Variants in SLC44A5 observed in about 807,000 individuals in gnomAD.
The protein encoded by SLC44A5 is solute carrier family 44 member 5.
SLC44A5 carries 57 observed loss-of-function variants against 101.8 expected under a neutral mutation model. The observed-to-expected ratio is 0.56, with a 90% CI of 0.45 to 0.70. The LOEUF (loss-of-function observed/expected upper bound fraction) is 0.70. Among genes scored for constraint, SLC44A5 ranks in the 30% least tolerant of loss-of-function variants. The probability of loss-of-function intolerance (pLI) is 0.00; values close to 1 mark genes in which losing one functional copy is unlikely to be tolerated. For missense variants in SLC44A5, 737 were observed against 853.1 expected, an observed-to-expected ratio of 0.86 and a Z score of 1.70; for synonymous variants, 281 against 290.9, an observed-to-expected ratio of 0.97 and a Z score of 0.35.
the SLC44A5 span, among the ~76,000 whole-genome samples, chr1:75,706,589 A>G: frequency 1.3e-5 from 2 of 151,938 alleles, no homozygotes; most frequent in Non-Finnish European, 2.9e-5. Flanking sequence ...TTTGCTCTTT[A>G]TGGGCCCTGC....
chr1:75,301,006 T>C (rs1050670524), intron 4 of SLC44A5, among the ~76,000 whole-genome samples: 14 of 152,144 alleles, frequency 9.2e-5, no homozygotes, highest in African/African-American at 3.4e-4. Context: ...AATTGTAATA[T>C]AAGCTATTTG....
chr1:75,722,996 T>C, the SLC44A5 span, among the ~76,000 whole-genome samples: 1 of 152,358 alleles, frequency 6.6e-6, no homozygotes, highest in East Asian at 1.9e-4. Flanking sequence ...GCCTGTTTTC[T>C]TCCTTATCTG....
intron 2 of SLC44A5, among the ~76,000 whole-genome samples, chr1:75,422,751 G>T (rs772806977): frequency 1.3e-5 from 2 of 152,166 alleles, no homozygotes; most frequent in Non-Finnish European, 2.9e-5. Context: ...TTGCTGTCAA[G>T]AAAACTGGCC....
At position 75,234,059 on chromosome 1, in the gene SLC44A5, C is replaced by A. The variant is rs745433077; in HGVS notation, c.780G>T (p.Leu260Phe). 1.2e-6 allele frequency: 2 copies of A among 1,613,372 alleles called. No homozygotes were observed. The highest frequency in any genetic ancestry group is 1.7e-6 in the Non-Finnish European group (2 of 1,179,606). ...ATCCAGCTATGAACCTCAGAAGTATCAAAAATATCCAACTAAGGACCATGG... is the reference window on the plus strand; with the variant it reads ...ATCCAGCTATGAACCTCAGAAGTATAAAAAATATCCAACTAAGGACCATGG... ...TIAMVLSWIF[L>F]ILLRFIAGCL... The change falls in exon 12 of 24, where the codon TTG (leucine) becomes TTT (phenylalanine). Residue 260 changes from leucine (L) to phenylalanine (F), a missense_variant. Physicochemically the swap from Leu to Phe is conservative, Grantham distance 22. This residue lies in a region of SLC44A5 where 665 missense variants were observed against 764.4 expected (regional missense o/e 0.87). Coordinates refer to ENST00000370859, the MANE Select transcript of SLC44A5 (RefSeq NM_001130058.2).
At chr1:75,590,437 T>C (rs975095271) in intron 1 of SLC44A5, among the ~76,000 whole-genome samples, 2 of 152,184 alleles carry the variant, frequency 1.3e-5, no homozygotes, top group African/African-American at 4.8e-5. Context: ...GGTAAGCCTC[T>C]GAGACTTGCT....
At chr1:75,324,800 A>G (rs1656448729) in intron 4 of SLC44A5, among the ~76,000 whole-genome samples, 2 of 152,194 alleles carry the variant, frequency 1.3e-5, no homozygotes, top group Non-Finnish European at 1.5e-5. Context: ...TTTTTAACCC[A>G]TAATTTTTAT....
the SLC44A5 span, among the ~76,000 whole-genome samples, chr1:75,686,606 G>A: frequency 6.6e-6 from 1 of 152,180 alleles, no homozygotes; most frequent in African/African-American, 2.4e-5. Flanking sequence ...TTATTGAAGG[G>A]ACTTTGGTTT....
Position 75,523,470 on chromosome 1 carries a change from G to A in SLC44A5, c.13+17965C>T, listed in dbSNP as rs558847964. On this transcript the variant is annotated intron_variant, in intron 2 of 23. Transcript: ENST00000370859. ...TGGGATTACAGGCACCTAACACCAC[G>A]CCCAGCTAATTTTTTTTTTTTTTGT... Among the ~76,000 whole-genome samples, 8 of 150,080 alleles carry A rather than the reference G, an allele frequency of 5.3e-5. No individual in the cohort carries two copies. In the East Asian group the frequency reaches 5.9e-4, roughly 11 times the overall value.
intron 2 of SLC44A5, among the ~76,000 whole-genome samples, chr1:75,402,706 T>C (rs1190329085): frequency 6.6e-6 from 1 of 152,004 alleles, no homozygotes; most frequent in Admixed American, 6.5e-5. Flanking sequence ...ATTAGGAGGT[T>C]CCCTCAGGTG....
intron 3 of SLC44A5, among the ~76,000 whole-genome samples, chr1:75,364,904 G>A (rs1659751425): frequency 6.6e-6 from 1 of 151,794 alleles, no homozygotes; most frequent in Admixed American, 6.6e-5. Flanking sequence ...TTCACTTATT[G>A]TATTTTTATT....
At chr1:75,662,308 A>G in the SLC44A5 span, among the ~76,000 whole-genome samples, 1 of 152,090 alleles carries the variant, frequency 6.6e-6, no homozygotes, top group Non-Finnish European at 1.5e-5. Flanking sequence ...TATTGATCTC[A>G]CAGAGGCAGT....
intron 7 of SLC44A5, among the ~76,000 whole-genome samples, chr1:75,250,363 T>C (rs911740410): frequency 5.3e-5 from 8 of 152,228 alleles, no homozygotes; most frequent in African/African-American, 9.6e-5. Context: ...TAGTATTCCA[T>C]GGTGTATATG....
chr1:75,402,729 C>T (rs1161461525), intron 2 of SLC44A5, among the ~76,000 whole-genome samples: 1 of 152,080 alleles, frequency 6.6e-6, no homozygotes, highest in Non-Finnish European at 1.5e-5. Context: ...TACACCACCA[C>T]ACCACCAGGG....
intron 9 of SLC44A5, among the ~76,000 whole-genome samples, chr1:75,239,400 TA>T (rs1288273967): frequency 6.6e-6 from 1 of 152,064 alleles, no homozygotes; most frequent in African/African-American, 2.4e-5. Context: ...ATCATTTTCA[TA>T]TTTTTTTTTC....
At chr1:75,315,344 A>G (rs1007915364) in intron 4 of SLC44A5, among the ~76,000 whole-genome samples, 9 of 152,170 alleles carry the variant, frequency 5.9e-5, no homozygotes, top group African/African-American at 1.7e-4. Flanking sequence ...TGGTTTTCTA[A>G]CCTCTAAGGT....
chr1:75,645,312 C>T, the SLC44A5 span, among the ~76,000 whole-genome samples: 2 of 152,172 alleles, frequency 1.3e-5, no homozygotes, highest in African/African-American at 4.8e-5. Context: ...TTTTAATGAT[C>T]GCCATTCTAA....
At chr1:75,423,897 T>A (rs1664156667) in intron 2 of SLC44A5, among the ~76,000 whole-genome samples, 1 of 152,242 alleles carries the variant, frequency 6.6e-6, no homozygotes, top group Admixed American at 6.5e-5. Context: ...TATGGTTTGT[T>A]GCTCAGGGTA....
chr1:75,490,569 T>C (rs1668374917), intron 2 of SLC44A5, among the ~76,000 whole-genome samples: 1 of 152,232 alleles, frequency 6.6e-6, no homozygotes, highest in Non-Finnish European at 1.5e-5. Context: ...GAATAATTAT[T>C]GAGACAGTTA....
intron 2 of SLC44A5, among the ~76,000 whole-genome samples, chr1:75,468,512 A>G (rs1341507076): frequency 6.6e-6 from 1 of 152,206 alleles, no homozygotes; most frequent in Admixed American, 6.5e-5. Context: ...AGCCTGTCAT[A>G]TGCAACAACA....
Sources: gnomAD v4.1 joint callset for allele counts (sites outside exome capture counted in the v4.1 genomes callset) on GRCh38, gnomAD v4.1.1 for gene constraint, gnomAD v4.1.1 regional missense constraint, MANE v1.5 for transcripts, NCBI Gene and HGNC (gene_info 2026-07-23, HGNC 2026-07-21) for gene names.